The following PDE1C variants were observed in gnomAD, a reference collection of about 807,000 sequenced individuals.
PDE1C encodes phosphodiesterase 1C.
In PDE1C, 62 loss-of-function variants were observed where a neutral mutation model predicts 93.1. The ratio of observed to expected loss-of-function variants is 0.67; its 90% confidence interval spans 0.54 to 0.82. The LOEUF is 0.82. PDE1C is among the 40% of genes least tolerant of loss of function. The probability of loss-of-function intolerance (pLI) is 0.00; values close to 1 mark genes in which losing one functional copy is unlikely to be tolerated. For synonymous variants in PDE1C, 325 were observed against 310.1 expected (o/e 1.05, Z -0.50); for missense variants, 742 against 884.6 (o/e 0.84, Z 2.04).
the PDE1C span, among the ~76,000 whole-genome samples, chr7:31,645,313 G>A: frequency 0.022 from 3,340 of 152,284 alleles, 125 homozygotes; most frequent in African/African-American, 0.076. Context: ...TAAATGTGAT[G>A]TAAAGAGAGT....
At chr7:31,732,590 T>C in the PDE1C span, among the ~76,000 whole-genome samples, 2 of 151,432 alleles carry the variant, frequency 1.3e-5, no homozygotes, top group African/African-American at 2.4e-5. Context: ...TACAATCACA[T>C]AGGCCAATTC....
intron 16 of PDE1C, among the ~76,000 whole-genome samples, chr7:31,802,502 C>T (rs1289729769): frequency 6.6e-6 from 1 of 151,560 alleles, no homozygotes; most frequent in Non-Finnish European, 1.5e-5. Context: ...TATGTAGTTG[C>T]CATTTTTAAT....
intron 1 of PDE1C, among the ~76,000 whole-genome samples, chr7:32,217,275 G>A (rs1254732554): frequency 1.3e-5 from 2 of 152,174 alleles, no homozygotes; most frequent in South Asian, 2.1e-4. Context: ...TCTTTAACAG[G>A]TGAGGAAAGT....
chr7:32,097,516 G>T (rs1210198863), intron 3 of PDE1C, among the ~76,000 whole-genome samples: 1 of 152,124 alleles, frequency 6.6e-6, no homozygotes, highest in African/African-American at 2.4e-5. Flanking sequence ...CCACTGACTG[G>T]CCCTCAAAGG....
the PDE1C span, among the ~76,000 whole-genome samples, chr7:31,641,022 T>A: frequency 6.6e-6 from 1 of 152,164 alleles, no homozygotes; most frequent in Admixed American, 6.5e-5. Flanking sequence ...AGCTGGGGTT[T>A]GGGCTGGGTT....
intron 2 of PDE1C, among the ~76,000 whole-genome samples, chr7:32,049,495 G>T (rs895619925): frequency 6.6e-6 from 1 of 152,120 alleles, no homozygotes; most frequent in Non-Finnish European, 1.5e-5. Flanking sequence ...GGATGAGGAA[G>T]GGGCTTTACT....
the PDE1C span, among the ~76,000 whole-genome samples, chr7:31,640,211 G>C: frequency 6.6e-6 from 1 of 152,284 alleles, no homozygotes; most frequent in South Asian, 2.1e-4. Flanking sequence ...AATGTCCTGT[G>C]AAATAGGAGG....
At chr7:32,021,380 C>G (rs540325041) in intron 2 of PDE1C, among the ~76,000 whole-genome samples, 2 of 152,098 alleles carry the variant, frequency 1.3e-5, no homozygotes, top group African/African-American at 2.4e-5. Context: ...CCTCTCTAAA[C>G]AAATTACACT....
chr7:31,991,390 T>A (rs1035602409), intron 2 of PDE1C, among the ~76,000 whole-genome samples: 1 of 152,164 alleles, frequency 6.6e-6, no homozygotes. Flanking sequence ...GAGGCTCTCG[T>A]GCTATACAAA....
chr7:32,144,695 G>T (rs1180834859), intron 3 of PDE1C, among the ~76,000 whole-genome samples: 1 of 152,208 alleles, frequency 6.6e-6, no homozygotes, highest in Non-Finnish European at 1.5e-5. Flanking sequence ...GGCAGGTATG[G>T]TTAGGGGTGA....
At chr7:31,915,917 G>C (rs754805548) in intron 2 of PDE1C, among the ~76,000 whole-genome samples, 1 of 152,162 alleles carries the variant, frequency 6.6e-6, no homozygotes, top group Non-Finnish European at 1.5e-5. Context: ...TTGTGCAGAA[G>C]TATATTGGGG....
At chr7:32,396,705 T>C (rs554944447) in intron 1 of PDE1C, among the ~76,000 whole-genome samples, 48 of 152,278 alleles carry the variant, frequency 3.2e-4, no homozygotes, top group African/African-American at 1.1e-3. Flanking sequence ...TTCAACTTTG[T>C]GTATGTTTGT....
chr7:31,943,800 A>G (rs1806183263), intron 2 of PDE1C, among the ~76,000 whole-genome samples: 1 of 151,784 alleles, frequency 6.6e-6, no homozygotes, highest in South Asian at 2.1e-4. Flanking sequence ...ATCAAAACCA[A>G]TTAGAGGAAT....
intron 2 of PDE1C, among the ~76,000 whole-genome samples, chr7:32,202,926 AG>A (rs1241840707): frequency 6.6e-6 from 1 of 152,114 alleles, no homozygotes; most frequent in Non-Finnish European, 1.5e-5. Context: ...GTTGTACAGC[AG>A]GTCTCCACAT....
the PDE1C span, among the ~76,000 whole-genome samples, chr7:31,730,730 C>T: frequency 1.3e-5 from 2 of 151,980 alleles, no homozygotes; most frequent in East Asian, 1.9e-4. Context: ...TAAGCACAAG[C>T]CTCTGTAATA....
chr7:31,828,945 C>T (rs1050200936), intron 11 of PDE1C, among the ~76,000 whole-genome samples: 1 of 152,066 alleles, frequency 6.6e-6, no homozygotes, highest in African/African-American at 2.4e-5. Context: ...TGAAGTTAGA[C>T]AACAATAAAA....
At chr7:32,085,030 C>A (rs1382236639) in intron 3 of PDE1C, among the ~76,000 whole-genome samples, 1 of 127,468 alleles carries the variant, frequency 7.8e-6, no homozygotes, top group South Asian at 2.9e-4. Context: ...AATAGAGACA[C>A]AAAAAACCCT....
intron 2 of PDE1C, among the ~76,000 whole-genome samples, chr7:31,964,902 T>G (rs959340057): frequency 1.6e-4 from 24 of 152,194 alleles, no homozygotes; most frequent in Non-Finnish European, 2.4e-4. Context: ...GGGTCCTGAC[T>G]GTTAGAAGGA....
chr7:32,179,115 A>G lies in PDE1C; in HGVS notation c.137-9159T>C, dbSNP rs78245419. Reference sequence around the variant, plus strand: ...TCCAAGGCTCTGTGTGATACATCACACTGTGTTTATTACTTTATTACAGAG... The same window carrying G: ...TCCAAGGCTCTGTGTGATACATCACGCTGTGTTTATTACTTTATTACAGAG... On this transcript the variant is annotated intron_variant, in intron 2 of 18. Transcript: ENST00000396193. Among the ~76,000 whole-genome samples, 1,095 of 152,296 alleles carry G rather than the reference A, an allele frequency of 7.2e-3. 17 individuals carry two copies. Among genetic ancestry groups the G allele is most frequent in the African/African-American group, 0.025 (1,028 of 41,560 alleles).
Sources: gnomAD v4.1 joint callset for allele counts (sites outside exome capture counted in the v4.1 genomes callset) on GRCh38, gnomAD v4.1.1 for gene constraint, MANE v1.5 for transcripts, NCBI Gene and HGNC (gene_info 2026-07-23, HGNC 2026-07-21) for gene names.